Variants in CNOT2 observed in about 807,000 individuals in gnomAD.
CNOT2 encodes the protein CCR4-NOT transcription complex subunit 2.
In CNOT2, 7 loss-of-function variants were observed where a neutral mutation model predicts 72.1. The observed-to-expected ratio is 0.10, with a 90% CI of 0.06 to 0.18. The LOEUF (loss-of-function observed/expected upper bound fraction) is 0.18. Ranked by LOEUF, CNOT2 falls within the 10% of genes least tolerant of loss-of-function variation. CNOT2 has a pLI of 1.00. For synonymous variants in CNOT2, 196 were observed against 225.6 expected (o/e 0.87, Z 1.17); for missense variants, 345 against 660.3 (o/e 0.52, Z 5.23).
chr12:70,343,728 T>C lies in CNOT2; in HGVS notation c.1291-400T>C, dbSNP rs1276211623. On this transcript the variant is annotated intron_variant, in intron 13 of 15. Transcript: ENST00000229195. ...TTTGACAAGTAAAGCTAAGAGATTT[T>C]AAATAACTAGGACACAGTCATATTA... 1.6e-3 allele frequency among the ~76,000 whole-genome samples: 237 copies of C among 152,316 alleles called. 3 individuals are homozygous for C. The highest frequency in any genetic ancestry group is 5.5e-3 in the African/African-American group (227 of 41,582).
intron 2 of CNOT2, among the ~76,000 whole-genome samples, chr12:70,290,037 TTTTC>T (rs1871611074): frequency 6.6e-6 from 1 of 152,138 alleles, no homozygotes; most frequent in Non-Finnish European, 1.5e-5. Context: ...CTTTTCTTTT[TTTTC>T]TTTTTTTTAG....
Position 70,354,924 on chromosome 12 carries a change from G to A in CNOT2, c.*1009G>A, listed in dbSNP as rs1010542278. The A allele has an allele frequency of 2.0e-5, 3 of 152,612 alleles. No homozygotes were observed. Among genetic ancestry groups the A allele is most frequent in the African/African-American group, 7.2e-5 (3 of 41,438 alleles). The allele number at this position is 152,612 out of a possible 1,614,324, so 9.5% of individuals were successfully genotyped here. A position where few individuals can be genotyped will look rare whatever the true frequency, so the allele number is the denominator to read the frequency against. ...AGCGTTTCATAGGAAGAGAAAAAAA[G>A]ATCAATCTTGTATTTTCTGACCACA... On this transcript the variant is annotated 3_prime_UTR_variant, in exon 16 of 16. Coordinates refer to ENST00000229195, the MANE Select transcript of CNOT2 (RefSeq NM_014515.7).
At chr12:70,330,099 A>G (rs1879705457) in intron 5 of CNOT2, among the ~76,000 whole-genome samples, 188 bp from the exon 6 acceptor site, 1 of 151,956 alleles carries the variant, frequency 6.6e-6, no homozygotes, top group Admixed American at 6.6e-5. Flanking sequence ...GTTGCACTAT[A>G]ATTTGCCCTT....
chr12:70,345,714 A>T (rs1306320482), intron 14 of CNOT2: 2 of 152,290 alleles, frequency 1.3e-5, no homozygotes, highest in Non-Finnish European at 2.9e-5. Context: ...GTTTCAAGAT[A>T]GTTAAAAAAT....
At chr12:70,245,424 GT>G (rs1375844567) in intron 1 of CNOT2, among the ~76,000 whole-genome samples, 1 of 151,836 alleles carries the variant, frequency 6.6e-6, no homozygotes, top group Non-Finnish European at 1.5e-5. Flanking sequence ...AACTGCTGAA[GT>G]TTTTTTTGCA....
intron 4 of CNOT2, among the ~76,000 whole-genome samples, chr12:70,328,519 T>C (rs537605687): frequency 2.8e-4 from 43 of 152,074 alleles, no homozygotes; most frequent in African/African-American, 9.9e-4. Flanking sequence ...AAGTGATAGC[T>C]GTACTTCTTG....
intron 14 of CNOT2, chr12:70,344,995 G>C (rs2136076913): frequency 6.6e-6 from 1 of 152,168 alleles, no homozygotes; most frequent in Middle Eastern, 3.4e-3. Context: ...CAGTCTATTG[G>C]CCAGTTTAAA....
intron 14 of CNOT2, chr12:70,345,239 A>AC (rs1882020279): frequency 6.6e-6 from 1 of 152,208 alleles, no homozygotes; most frequent in Non-Finnish European, 1.5e-5. Flanking sequence ...ATTTCTAATA[A>AC]CATTTCTATA....
chr12:70,257,389 C>G (rs1451497249), intron 1 of CNOT2, among the ~76,000 whole-genome samples: 2 of 130,296 alleles, frequency 1.5e-5, no homozygotes, highest in Non-Finnish European at 3.1e-5. Context: ...GAGACGGAGT[C>G]TCGCTCTTTC....
At chr12:70,308,152 A>G (rs980139567) in intron 2 of CNOT2, among the ~76,000 whole-genome samples, 1 of 152,134 alleles carries the variant, frequency 6.6e-6, no homozygotes, top group South Asian at 2.1e-4. Flanking sequence ...TTGCCTGGTC[A>G]GTTACTTCTC....
chr12:70,272,246 G>C (rs74500016), intron 1 of CNOT2, among the ~76,000 whole-genome samples: 14,537 of 152,220 alleles, frequency 0.095, 898 homozygotes, highest in Middle Eastern at 0.19. Flanking sequence ...AAGCTTAATA[G>C]ACAAGGTTCT....
chr12:70,336,305 T>C (rs566462643), intron 8 of CNOT2: 2 of 152,226 alleles, frequency 1.3e-5, no homozygotes, highest in South Asian at 4.1e-4. Flanking sequence ...GATAAGAAAT[T>C]TGGCTAATCA....
intron 3 of CNOT2, 27 bp from the exon 4 acceptor site, chr12:70,319,271 G>A (rs372826329): frequency 4.3e-5 from 68 of 1,598,794 alleles, no homozygotes; most frequent in African/African-American, 9.4e-5. Context: ...TTTTCTTTAT[G>A]CTCTAATATA....
At chr12:70,321,980 A>G (rs1020956226) in intron 4 of CNOT2, 3 of 151,750 alleles carry the variant, frequency 2.0e-5, no homozygotes, top group Non-Finnish European at 4.4e-5. Context: ...TTTTCATCCA[A>G]TAATTCACGT....
At chr12:70,286,329 A>G (rs890670290) in intron 2 of CNOT2, among the ~76,000 whole-genome samples, 5 of 145,874 alleles carry the variant, frequency 3.4e-5, no homozygotes, top group African/African-American at 7.5e-5. Context: ...TTTTCCATCT[A>G]TTGAGGTTGT....
intron 1 of CNOT2, among the ~76,000 whole-genome samples, chr12:70,252,958 C>T (rs1263946862): frequency 6.6e-6 from 1 of 152,182 alleles, no homozygotes; most frequent in Non-Finnish European, 1.5e-5. Context: ...GTGCACTATA[C>T]TCTTTTTTGT....
intron 3 of CNOT2, among the ~76,000 whole-genome samples, chr12:70,315,110 C>T (rs1877110282): frequency 2.0e-5 from 3 of 152,084 alleles, no homozygotes; most frequent in Admixed American, 2.0e-4. Context: ...GGGATCTGCC[C>T]TCCTCAGCCT....
At chr12:70,319,408 AAAAT>A in intron 4 of CNOT2, 44 bp downstream of exon 4, 1 of 1,559,358 alleles carries the variant, frequency 6.4e-7, no homozygotes, top group Non-Finnish European at 8.8e-7. Context: ...TTTAAAGAGA[AAAAT>A]AAGTAACTAC....
chr12:70,340,115 T>C (rs1881293498), intron 11 of CNOT2, among the ~76,000 whole-genome samples: 1 of 152,166 alleles, frequency 6.6e-6, no homozygotes, highest in South Asian at 2.1e-4. Flanking sequence ...TCCGACTTGG[T>C]CTTCTCCCAT....
Sources: gnomAD v4.1 joint callset for allele counts (sites outside exome capture counted in the v4.1 genomes callset) on GRCh38, gnomAD v4.1.1 for gene constraint, MANE v1.5 for transcripts, NCBI Gene and HGNC (gene_info 2026-07-23, HGNC 2026-07-21) for gene names.